The following SUMF1 variants were observed in gnomAD, a reference collection of about 807,000 sequenced individuals.
SUMF1 encodes the protein formylglycine-generating enzyme.
Under a neutral mutation model 47.6 loss-of-function variants are expected in SUMF1, and 48 were observed. The ratio of observed to expected loss-of-function variants is 1.01; its 90% CI spans 0.80 to 1.28. The LOEUF (loss-of-function observed/expected upper bound fraction) is 1.28, where lower values mean the gene tolerates loss of function less well. SUMF1 is among the 50% of genes most tolerant of loss of function. SUMF1 has a pLI of 0.00. For missense variants in SUMF1, 571 were observed against 485.4 expected (o/e 1.18, Z -1.66); for synonymous variants, 230 against 192.1 (o/e 1.20, Z -1.63).
intron 8 of SUMF1, among the ~76,000 whole-genome samples, chr3:4,306,374 A>G (rs1368677694): frequency 6.6e-6 from 1 of 152,182 alleles, no homozygotes; most frequent in Non-Finnish European, 1.5e-5. Context: ...CTCAAAGTGT[A>G]TATTAAAATA....
At chr3:4,229,768 C>A (rs1181955038) in intron 8 of SUMF1, among the ~76,000 whole-genome samples, 2 of 152,060 alleles carry the variant, frequency 1.3e-5, no homozygotes, top group African/African-American at 4.8e-5. Flanking sequence ...AATCCCAGCA[C>A]TTTGGGTAGC....
chr3:4,195,161 C>T (rs1695401719), intron 8 of SUMF1, among the ~76,000 whole-genome samples: 1 of 152,066 alleles, frequency 6.6e-6, no homozygotes, highest in African/African-American at 2.4e-5. Context: ...CATTAAGATA[C>T]ACATTACAAA....
intron 9 of SUMF1, among the ~76,000 whole-genome samples, chr3:4,046,283 T>C (rs1200339471): frequency 6.6e-6 from 1 of 152,092 alleles, no homozygotes; most frequent in Non-Finnish European, 1.5e-5. Context: ...CTTTCGTACC[T>C]AAGAATCAAG....
At chr3:4,466,273 G>A (rs1388268344) in intron 1 of SUMF1, among the ~76,000 whole-genome samples, 2 of 151,960 alleles carry the variant, frequency 1.3e-5, no homozygotes, top group African/African-American at 4.8e-5. Context: ...CACCACGCCC[G>A]GCTAATTTTT....
intron 7 of SUMF1, among the ~76,000 whole-genome samples, chr3:4,400,603 G>A (rs940091015): frequency 2.6e-5 from 4 of 152,218 alleles, no homozygotes; most frequent in African/African-American, 9.6e-5. Context: ...CCAACCAAGA[G>A]GCGCTTAGAA....
At chr3:4,089,065 C>T (rs573652000) in intron 8 of SUMF1, among the ~76,000 whole-genome samples, 1 of 152,070 alleles carries the variant, frequency 6.6e-6, no homozygotes, top group Non-Finnish European at 1.5e-5. Flanking sequence ...TCACACAGTT[C>T]TATGGCCATG....
chr3:4,409,051 G>T (rs1701460748), intron 7 of SUMF1, among the ~76,000 whole-genome samples: 3 of 152,090 alleles, frequency 2.0e-5, no homozygotes, highest in Admixed American at 2.0e-4. Flanking sequence ...AGGCATTAAA[G>T]GATTTTAAAC....
chr3:4,261,940 T>C (rs1174890434), intron 8 of SUMF1, among the ~76,000 whole-genome samples: 1 of 152,176 alleles, frequency 6.6e-6, no homozygotes, highest in African/African-American at 2.4e-5. Context: ...TTGATGTGCA[T>C]TTTAGCCAGA....
At chr3:4,340,162 T>C (rs555606647) in intron 8 of SUMF1, among the ~76,000 whole-genome samples, 46 of 150,860 alleles carry the variant, frequency 3.0e-4, no homozygotes, top group African/African-American at 1.1e-3. Flanking sequence ...AACTCCGGAG[T>C]TGTTAATGTA....
chr3:4,237,809 CTGGGATA>C (rs1696441848), intron 8 of SUMF1, among the ~76,000 whole-genome samples: 1 of 151,994 alleles, frequency 6.6e-6, no homozygotes, highest in Non-Finnish European at 1.5e-5. Context: ...ACTTTAAGTG[CTGGGATA>C]CATGTACAGA....
At chr3:4,341,955 G>A (rs939264624) in intron 8 of SUMF1, among the ~76,000 whole-genome samples, 2 of 152,168 alleles carry the variant, frequency 1.3e-5, no homozygotes, top group Non-Finnish European at 2.9e-5. Flanking sequence ...AAGGCAATAA[G>A]TAATAATTTA....
chr3:4,062,379 G>A (rs950242576), intron 9 of SUMF1, among the ~76,000 whole-genome samples: 38 of 152,144 alleles, frequency 2.5e-4, no homozygotes, highest in Admixed American at 2.2e-3. Context: ...CTGCTACTGT[G>A]AGGGTCACAC....
chr3:4,374,950 C>T (rs1280734542), intron 8 of SUMF1, among the ~76,000 whole-genome samples: 1 of 151,680 alleles, frequency 6.6e-6, no homozygotes, highest in Non-Finnish European at 1.5e-5. Flanking sequence ...ATTTCCTGAG[C>T]CCAAATGTTC....
intron 8 of SUMF1, among the ~76,000 whole-genome samples, chr3:4,216,254 G>A (rs1035120192): frequency 6.6e-6 from 1 of 152,148 alleles, no homozygotes. Flanking sequence ...ACAACCATCT[G>A]ATCTTTGAGA....
intron 8 of SUMF1, among the ~76,000 whole-genome samples, chr3:4,322,253 G>A (rs1056540452): frequency 6.6e-6 from 1 of 152,032 alleles, no homozygotes; most frequent in Admixed American, 6.6e-5. Flanking sequence ...AGTTAATGAT[G>A]TATCAATATT....
At chr3:4,125,538 T>A (rs1441071139) in intron 8 of SUMF1, among the ~76,000 whole-genome samples, 1 of 152,164 alleles carries the variant, frequency 6.6e-6, no homozygotes, top group Non-Finnish European at 1.5e-5. Context: ...ACTTTCTCCT[T>A]CTTATTTATG....
At chr3:4,322,843 T>C (rs763323727) in intron 8 of SUMF1, among the ~76,000 whole-genome samples, 1 of 152,064 alleles carries the variant, frequency 6.6e-6, no homozygotes, top group African/African-American at 2.4e-5. Context: ...CTGGCATGGA[T>C]CCAATAGAAT....
chr3:4,156,455 A>C (rs1054923210), intron 8 of SUMF1, among the ~76,000 whole-genome samples: 1 of 151,648 alleles, frequency 6.6e-6, no homozygotes, highest in South Asian at 2.1e-4. Flanking sequence ...CTATATCTTC[A>C]ATGTATAAAA....
intron 8 of SUMF1, among the ~76,000 whole-genome samples, chr3:4,197,143 G>A (rs1240919591): frequency 6.6e-6 from 1 of 152,134 alleles, no homozygotes; most frequent in Non-Finnish European, 1.5e-5. Flanking sequence ...GAACTATCAG[G>A]AGATGGTATC....
Sources: allele counts gnomAD v4.1 joint callset (sites outside exome capture counted in the v4.1 genomes callset), GRCh38; gene constraint gnomAD v4.1.1; transcripts MANE v1.5; gene names NCBI Gene and HGNC (gene_info 2026-07-23, HGNC 2026-07-21).